Variants in DISC1 observed in about 807,000 individuals in gnomAD.
DISC1 encodes disrupted in schizophrenia 1 protein.
DISC1 carries 57 observed loss-of-function variants against 84.5 expected under a neutral mutation model. The observed-to-expected ratio is 0.67, with a 90% CI of 0.55 to 0.84. DISC1 has a LOEUF of 0.84. DISC1 is among the 40% of genes least tolerant of loss of function. The pLI is 0.00. For synonymous variants in DISC1, 411 were observed against 415.2 expected (o/e 0.99, Z 0.12); for missense variants, 1,000 against 1,057.8 (o/e 0.95, Z 0.76).
intron 3 of DISC1, among the ~76,000 whole-genome samples, chr1:231,730,938 A>G (rs2071432323): frequency 6.6e-6 from 1 of 152,208 alleles, no homozygotes; most frequent in Non-Finnish European, 1.5e-5. Context: ...CTGCCATTAC[A>G]TTTTAAATAA....
chr1:231,633,842 G>A (rs1455004086), intron 1 of DISC1, among the ~76,000 whole-genome samples: 1 of 151,664 alleles, frequency 6.6e-6, no homozygotes, highest in Non-Finnish European at 1.5e-5. Context: ...TGCATTTTGT[G>A]ACATGTACGC....
intron 5 of DISC1, among the ~76,000 whole-genome samples, chr1:231,768,005 G>T (rs1455715661): frequency 6.6e-6 from 1 of 152,200 alleles, no homozygotes; most frequent in Admixed American, 6.5e-5. Flanking sequence ...CATCTGGAAT[G>T]ATTAGCCGGC....
At chr1:231,713,973 A>G (rs1288275314) in intron 3 of DISC1, among the ~76,000 whole-genome samples, 3 of 151,386 alleles carry the variant, frequency 2.0e-5, no homozygotes, top group African/African-American at 7.3e-5. Context: ...AATTATCTCT[A>G]TTTGCGATTG....
At chr1:231,704,675 G>T (rs2066815414) in intron 3 of DISC1, among the ~76,000 whole-genome samples, 1 of 151,076 alleles carries the variant, frequency 6.6e-6, no homozygotes, top group South Asian at 2.1e-4. Flanking sequence ...CAGGAGAATG[G>T]CGTGAACCCA....
At chr1:231,716,509 T>C (rs1329280908) in intron 3 of DISC1, among the ~76,000 whole-genome samples, 1 of 151,698 alleles carries the variant, frequency 6.6e-6, no homozygotes, top group Non-Finnish European at 1.5e-5. Context: ...TTGCATGACA[T>C]TGGATGACAT....
chr1:231,696,321 A>G (rs1223450602), intron 2 of DISC1, among the ~76,000 whole-genome samples: 2 of 152,230 alleles, frequency 1.3e-5, no homozygotes, highest in African/African-American at 4.8e-5. Flanking sequence ...TCATATGTGC[A>G]AAGTGCTTCA....
chr1:232,022,510 G>A (rs1386370756), intron 11 of DISC1, among the ~76,000 whole-genome samples: 2 of 152,074 alleles, frequency 1.3e-5, no homozygotes, highest in African/African-American at 4.8e-5. Context: ...GTTTTACCAT[G>A]TTGGCCAGGA....
intron 9 of DISC1, among the ~76,000 whole-genome samples, chr1:231,937,647 C>T (rs975275791): frequency 2.6e-5 from 4 of 152,060 alleles, no homozygotes; most frequent in Admixed American, 6.5e-5. Context: ...TGTGTGGAGG[C>T]GGGTGGATGG....
intron 3 of DISC1, among the ~76,000 whole-genome samples, chr1:231,729,901 T>A (rs1363388587): frequency 6.6e-6 from 1 of 152,212 alleles, no homozygotes; most frequent in Non-Finnish European, 1.5e-5. Flanking sequence ...GTTTGAATTA[T>A]ATTTTAAAAA....
intron 9 of DISC1, among the ~76,000 whole-genome samples, chr1:231,880,759 G>T (rs959000943): frequency 0.013 from 26 of 1,964 alleles, no homozygotes; most frequent in Middle Eastern, 0.17. Flanking sequence ...GGCAAGGTGG[G>T]GGGGGGGTGA....
chr1:231,883,262 G>T (rs2086423899), intron 9 of DISC1, among the ~76,000 whole-genome samples: 2 of 152,072 alleles, frequency 1.3e-5, no homozygotes, highest in Non-Finnish European at 2.9e-5. Context: ...TTAGATTTCT[G>T]CTAATAAGTA....
At chr1:231,800,566 C>G (rs1019622608) in intron 8 of DISC1, among the ~76,000 whole-genome samples, 4 of 152,076 alleles carry the variant, frequency 2.6e-5, no homozygotes, top group African/African-American at 9.7e-5. Flanking sequence ...TAACATGAGA[C>G]AAATTAATGT....
intron 9 of DISC1, among the ~76,000 whole-genome samples, chr1:231,822,682 G>C (rs2081580850): frequency 6.6e-6 from 1 of 152,186 alleles, no homozygotes; most frequent in African/African-American, 2.4e-5. Context: ...AGGAATACCT[G>C]AGGCTGGGTC....
chr1:232,005,658 G>A (rs821602), intron 10 of DISC1, among the ~76,000 whole-genome samples: 1 of 151,766 alleles, frequency 6.6e-6, no homozygotes, highest in Non-Finnish European at 1.5e-5. Context: ...TTATCCTTCC[G>A]ATCTCATCAT....
At chr1:231,758,441 A>G (rs2075349432) in intron 4 of DISC1, among the ~76,000 whole-genome samples, 3 of 151,856 alleles carry the variant, frequency 2.0e-5, no homozygotes, top group Admixed American at 1.3e-4. Flanking sequence ...GGGGTAGGGG[A>G]GAAAAACGCG....
intron 9 of DISC1, among the ~76,000 whole-genome samples, chr1:231,883,701 A>G (rs2086460463): frequency 6.6e-6 from 1 of 152,122 alleles, no homozygotes; most frequent in Non-Finnish European, 1.5e-5. Context: ...GGTGAGAGAA[A>G]TTCAAGGTAA....
At chr1:232,030,533 A>G (rs1669904737) in intron 12 of DISC1, among the ~76,000 whole-genome samples, 1 of 152,112 alleles carries the variant, frequency 6.6e-6, no homozygotes, top group East Asian at 1.9e-4. Context: ...GCCCTTATGG[A>G]ATTCTGTTTC....
chr1:231,724,295 A>G (rs2070312145), intron 3 of DISC1, among the ~76,000 whole-genome samples: 1 of 152,166 alleles, frequency 6.6e-6, no homozygotes, highest in Non-Finnish European at 1.5e-5. Context: ...GCGGGGCTCT[A>G]GAAGAGCCTT....
chr1:232,027,554 T>G (rs1669593686), intron 12 of DISC1, among the ~76,000 whole-genome samples: 1 of 152,192 alleles, frequency 6.6e-6, no homozygotes, highest in Admixed American at 6.5e-5. Flanking sequence ...TGGTTAGTTC[T>G]GCTGAGAGCA....
Sources: allele counts gnomAD v4.1 joint callset (sites outside exome capture counted in the v4.1 genomes callset), GRCh38; gene constraint gnomAD v4.1.1; transcripts MANE v1.5; gene names NCBI Gene and HGNC (gene_info 2026-07-23, HGNC 2026-07-21).